Variants in CFAP47 observed in about 807,000 individuals in gnomAD.
The protein encoded by CFAP47 is cilia and flagella associated protein 47, also known as cilia- and flagella-associated protein 47.
CFAP47 carries 29 observed loss-of-function variants against 148.1 expected under a neutral mutation model. That is an observed-to-expected ratio of 0.20 (90% confidence interval 0.15 to 0.27). The LOEUF (loss-of-function observed/expected upper bound fraction) is 0.27. Ranked by LOEUF, CFAP47 falls within the 10% of genes least tolerant of loss-of-function variation. CFAP47 has a pLI of 1.00. For synonymous variants in CFAP47, 664 were observed against 577.3 expected (o/e 1.15, Z -2.15); for missense variants, 1,872 against 1,697.5 (o/e 1.10, Z -1.81).
chrX:35,999,082 C>T (rs962223961), intron 19 of CFAP47, among the ~76,000 whole-genome samples: 4 of 111,510 alleles, frequency 3.6e-5, no homozygotes, highest in Non-Finnish European at 7.6e-5. Context: ...ACAATTAGGA[C>T]ATTTTACTCA....
intron 37 of CFAP47, 116 bp downstream of exon 37, chrX:36,149,339 T>C (rs953029239): frequency 1.5e-5 from 4 of 266,331 alleles, no homozygotes; most frequent in Non-Finnish European, 2.6e-5. Context: ...GAAACGATTG[T>C]CACTCACAGT....
At chrX:35,963,495 A>G (rs1936361948) in intron 8 of CFAP47, among the ~76,000 whole-genome samples, 1 of 111,027 alleles carries the variant, frequency 9.0e-6, no homozygotes. Context: ...TTTAATTTCA[A>G]ATTCTGGGGT....
chrX:36,143,407 A>T (rs1464423884), intron 35 of CFAP47, among the ~76,000 whole-genome samples: 1 of 111,943 alleles, frequency 8.9e-6, no homozygotes, highest in African/African-American at 3.2e-5. Flanking sequence ...CACCTAGCAC[A>T]TTGGGTCTCC....
Position 35,975,867 on chromosome X carries a change from C to T in CFAP47, c.2667C>T (p.Pro889=), listed in dbSNP as rs138251686. ...QNCCAQFQWQ[P]VNTGRGIAFS... ...GTTGTGCTCAGTTTCAATGGCAACC[C>T]GTAAACACAGGAAGAGGGATAGCAT... The change falls in exon 15 of 64, where the codon CCC becomes CCT. Residue 889 remains proline (P), a synonymous_variant. Coordinates refer to ENST00000378653, the MANE Select transcript of CFAP47 (RefSeq NM_001304548.2). The T allele has an allele frequency of 2.4e-5, 29 of 1,207,451 alleles. 1 individual carries two copies. In the African/African-American group the frequency reaches 4.7e-4, roughly 20 times the overall value.
rs782395062 is a variant in CFAP47, at chrX:36,212,451, TC to T, written c.6817+7342del. 1.3e-4 allele frequency among the ~76,000 whole-genome samples: 15 copies of T among 111,883 alleles called. No homozygotes were observed. The South Asian group carries it at 5.6e-3, about 42-fold the overall frequency. Reference sequence around the variant, plus strand: ...TTTATAAGAAGAAGCCTACGGGCCTTCTGATAAGTATTGCATTGATTCTGTA... The same window carrying T: ...TTTATAAGAAGAAGCCTACGGGCCTTTGATAAGTATTGCATTGATTCTGTA... On this transcript the variant is annotated intron_variant, in intron 45 of 63. Coordinates refer to ENST00000378653, the MANE Select transcript of CFAP47 (RefSeq NM_001304548.2).
Position 36,160,696 on chromosome X carries a change from G to A in CFAP47, c.5953G>A (p.Glu1985Lys), listed in dbSNP as rs6632504. Residue 1985 changes from glutamate to lysine, a missense_variant, in exon 39 of 64, where the codon GAA (glutamate) becomes AAA (lysine). Glu to Lys is a moderately conservative substitution (Grantham distance 56, BLOSUM62 1). Transcript: ENST00000378653. Reference protein sequence around the residue: ...DFKAIDIIKCESPCYQFQEVT... With the variant: ...DFKAIDIIKCKSPCYQFQEVT... Reference sequence around the variant, plus strand: ...TTTACTTTAGGACATTATAAAATGCGAAAGCCCATGTTATCAATTTCAGGA... The same window carrying A: ...TTTACTTTAGGACATTATAAAATGCAAAAGCCCATGTTATCAATTTCAGGA... The A allele has an allele frequency of 3.4e-5, 10 of 292,945 alleles. No individual in the cohort carries two copies. The highest frequency in any genetic ancestry group is 1.7e-4 in the African/African-American group (6 of 35,955). The allele number at this position is 292,945 out of a possible 1,213,427, so 24.1% of individuals were successfully genotyped here.
chrX:36,133,102 C>T (rs1938977777), intron 33 of CFAP47, among the ~76,000 whole-genome samples: 2 of 111,059 alleles, frequency 1.8e-5, no homozygotes, highest in Non-Finnish European at 3.8e-5. Flanking sequence ...GGGTGATTGG[C>T]GTATTGGTAG....
At chrX:36,111,866 T>G (rs779002749) in intron 33 of CFAP47, among the ~76,000 whole-genome samples, 50 of 112,019 alleles carry the variant, frequency 4.5e-4, no homozygotes, top group Non-Finnish European at 8.6e-4. Flanking sequence ...AATTTATCCA[T>G]GTATTCTAGA....
At chrX:36,183,052 G>A (rs1362927724) in intron 40 of CFAP47, among the ~76,000 whole-genome samples, 2 of 112,668 alleles carry the variant, frequency 1.8e-5, no homozygotes, top group Non-Finnish European at 3.7e-5. Flanking sequence ...GCTCACGCCT[G>A]TAATCCCAGC....
intron 57 of CFAP47, among the ~76,000 whole-genome samples, chrX:36,327,652 A>G (rs1405831475): frequency 8.9e-6 from 1 of 112,053 alleles, no homozygotes; most frequent in Non-Finnish European, 1.9e-5. Context: ...TTCTACCAAA[A>G]AAGACTCAAG....
rs782319204 is a variant in CFAP47, at chrX:36,235,627, G to C, written c.7015-307G>C. On this transcript the variant is annotated intron_variant, in intron 46 of 63. Coordinates refer to ENST00000378653, the MANE Select transcript of CFAP47 (RefSeq NM_001304548.2). ...TCACACACGGTGCGCTGCACCCACT[G>C]TCCTGTGCCCACTGTCTGGCACTCC... 2.7e-5 allele frequency among the ~76,000 whole-genome samples: 3 copies of C among 112,288 alleles called. No individual in the cohort carries two copies. The East Asian group carries it at 8.6e-4, about 32-fold the overall frequency.
intron 56 of CFAP47, among the ~76,000 whole-genome samples, chrX:36,312,924 A>G (rs1941404917): frequency 9.0e-6 from 1 of 110,866 alleles, no homozygotes; most frequent in African/African-American, 3.3e-5. Flanking sequence ...TCCCTATCCT[A>G]TGTGAAAAAG....
intron 19 of CFAP47, 74 bp downstream of exon 19, chrX:35,997,463 C>T: frequency 7.1e-6 from 2 of 279,768 alleles, no homozygotes; most frequent in Non-Finnish European, 1.3e-5. Context: ...TTCTAGTTAG[C>T]CCATTTATGT....
chrX:36,380,320 T>C (rs1320063091), intron 63 of CFAP47, among the ~76,000 whole-genome samples: 1 of 113,052 alleles, frequency 8.8e-6, no homozygotes, highest in East Asian at 2.8e-4. Flanking sequence ...AGACAAAATA[T>C]TGAATATTGT....
At chrX:36,047,543 TA>T (rs1408112614) in intron 26 of CFAP47, among the ~76,000 whole-genome samples, 1 of 112,296 alleles carries the variant, frequency 8.9e-6, no homozygotes, top group Non-Finnish European at 1.9e-5. Flanking sequence ...TACATCTTGG[TA>T]AAATGATATT....
In CFAP47 at chrX:36,174,290, G is replaced by A; in HGVS notation, c.6027-5055G>A. Reference sequence around the variant, plus strand: ...CTGTGTCTTTTAATTGGAGCATACAGTCCATTTACATTTAAGGTTAATATT... The same window carrying A: ...CTGTGTCTTTTAATTGGAGCATACAATCCATTTACATTTAAGGTTAATATT... On this transcript the variant is annotated intron_variant, in intron 39 of 63. Transcript: ENST00000378653. 3.6e-5 allele frequency among the ~76,000 whole-genome samples: 4 copies of A among 110,841 alleles called. No homozygotes were observed. In the South Asian group the frequency reaches 1.6e-3, roughly 44 times the overall value.
intron 35 of CFAP47, among the ~76,000 whole-genome samples, chrX:36,140,927 C>T (rs1170264938): frequency 9.0e-6 from 1 of 111,068 alleles, no homozygotes. Flanking sequence ...GCGTAGAATG[C>T]ATGTTTTGTT....
intron 49 of CFAP47, among the ~76,000 whole-genome samples, chrX:36,258,114 T>A (rs1476906012): frequency 8.9e-6 from 1 of 112,288 alleles, no homozygotes; most frequent in Non-Finnish European, 1.9e-5. Context: ...AACTTTGTGC[T>A]TGTTTATGTA....
chrX:36,052,048 T>C (rs1261356508), intron 26 of CFAP47, among the ~76,000 whole-genome samples: 3 of 111,906 alleles, frequency 2.7e-5, no homozygotes, highest in African/African-American at 9.8e-5. Flanking sequence ...TCCCCAGCCA[T>C]GTGGAACTGT....
Sources: gnomAD v4.1 joint callset for allele counts (sites outside exome capture counted in the v4.1 genomes callset) on GRCh38, gnomAD v4.1.1 for gene constraint, MANE v1.5 for transcripts, NCBI Gene and HGNC (gene_info 2026-07-23, HGNC 2026-07-21) for gene names.